COX15: variants seen among roughly 807,000 people sequenced by gnomAD.
COX15 encodes the protein heme A synthase COX15.
In COX15, 51 loss-of-function variants were observed where a neutral mutation model predicts 51.9. The observed-to-expected ratio is 0.98, with a 90% CI of 0.78 to 1.24. COX15 has a LOEUF of 1.24. COX15 is among the 50% of genes most tolerant of loss of function. The pLI, the probability that COX15 is intolerant of heterozygous loss-of-function variation, is 0.00. For synonymous variants in COX15, 188 were observed against 190.5 expected, an observed-to-expected ratio of 0.99 and a Z score of 0.11; for missense variants, 420 against 501.1, an observed-to-expected ratio of 0.84 and a Z score of 1.55.
In COX15 at chr10:99,710,996, A is replaced by G; in HGVS notation, c.*3591T>C. ...GGTATGTGATGACTTGTTTTTTTGG[A>G]AAAAGGTATTTGGAACATCAATCTG... is the stretch of plus-strand genomic sequence containing the variant. On this transcript the variant is annotated 3_prime_UTR_variant, in exon 9 of 9. Transcript: ENST00000016171. 1 of 985,050 alleles carries G rather than the reference A, an allele frequency of 1.0e-6. No individual in the cohort carries two copies. Among genetic ancestry groups the G allele is most frequent in the Middle Eastern group, 5.2e-4 (1 of 1,914 alleles). The allele number at this position is 985,050 out of a possible 1,614,324, so 61.0% of individuals were successfully genotyped here.
At chr10:99,702,554 T>A in the COX15 span, 2 of 1,610,100 alleles carry the variant, frequency 1.2e-6, no homozygotes, top group African/African-American at 2.7e-5. Flanking sequence ...AAGTCTTACA[T>A]GAAGGATTCC....
intron 4 of COX15, among the ~76,000 whole-genome samples, chr10:99,725,876 T>A (rs1299555133): frequency 6.6e-6 from 1 of 152,196 alleles, no homozygotes; most frequent in Admixed American, 6.5e-5. Context: ...ACTCATTTTC[T>A]TACCACTTCT....
chr10:99,713,354 T>C lies in COX15; in HGVS notation c.*1233A>G. ...CATCTCGATGGGGTCATTCTGGGAC[T>C]GTTTTCAGTTGCCACTGTCATCTAT... On this transcript the variant is annotated 3_prime_UTR_variant, in exon 9 of 9. Coordinates refer to ENST00000016171, the MANE Select transcript of COX15 (RefSeq NM_078470.6). The C allele has an allele frequency of 6.2e-7, 1 of 1,612,950 alleles. No individual in the cohort carries two copies. Among genetic ancestry groups the C allele is most frequent in the Non-Finnish European group, 8.5e-7 (1 of 1,179,590 alleles).
At position 99,711,403 on chromosome 10, in the gene COX15, A is replaced by G; in HGVS notation, c.*3184T>C. On this transcript the variant is annotated 3_prime_UTR_variant, in exon 9 of 9. Transcript: ENST00000016171. ...GGTGTGGGAACCTGCCTCAGGAACT[A>G]CAGTTCCCTTTCTTTGAAGGATTCT... is the stretch of plus-strand genomic sequence containing the variant. 1.0e-6 allele frequency: 1 copy of G among 985,404 alleles called. No homozygotes were observed. Among genetic ancestry groups the G allele is most frequent in the South Asian group, 4.7e-5 (1 of 21,284 alleles). 61.0% of individuals were successfully genotyped at this position (985,404 alleles called of 1,614,324 possible). A position where few individuals can be genotyped will look rare whatever the true frequency, so the allele number is the denominator to read the frequency against.
chr10:99,698,667 T>G, the COX15 span: 4 of 1,614,132 alleles, frequency 2.5e-6, no homozygotes, highest in Middle Eastern at 1.6e-4. Context: ...CTGGGTGTCT[T>G]GTGGGGCAAT....
chr10:99,716,258 G>T, intron 8 of COX15, 90 bp downstream of exon 8: 1 of 913,042 alleles, frequency 1.1e-6, no homozygotes, highest in Non-Finnish European at 1.8e-6. Context: ...CTCCCAAAGT[G>T]CTGGGATTAC....
At chr10:99,731,165 GT>G (rs2037129087) in intron 1 of COX15, among the ~76,000 whole-genome samples, 1 of 152,172 alleles carries the variant, frequency 6.6e-6, no homozygotes, top group African/African-American at 2.4e-5. Context: ...TCTGTGGCCT[GT>G]TGTTGACCAA....
At chr10:99,702,616 G>A in the COX15 span, 59 of 1,613,552 alleles carry the variant, frequency 3.7e-5, 2 homozygotes, top group South Asian at 4.3e-4. Flanking sequence ...GTGTATGACC[G>A]AGAGGTTCAG....
chr10:99,695,985 G>T, the COX15 span: 1 of 1,613,736 alleles, frequency 6.2e-7, no homozygotes, highest in Non-Finnish European at 8.5e-7. Flanking sequence ...TGCTGGCTGA[G>T]TTCAACCTGG....
downstream of COX15, chr10:99,709,723 T>C (rs556138733): frequency 1.3e-5 from 13 of 985,446 alleles, no homozygotes; most frequent in African/African-American, 1.9e-4. Flanking sequence ...AAGCTTCATT[T>C]TAAGCCTGCT....
chr10:99,704,739 C>A, the COX15 span: 1 of 1,483,436 alleles, frequency 6.7e-7, no homozygotes, highest in Non-Finnish European at 9.2e-7. Context: ...TCATTGAATT[C>A]CTCCACTTTC....
At position 99,714,325 on chromosome 10, in the gene COX15, C is replaced by T; in HGVS notation, c.*262G>A. ...ACCTGACACAAAGCCTGTTAAGCAG[C>T]AAATGGCAGACATTTCTTTCTCTAC... is the stretch of plus-strand genomic sequence containing the variant. On this transcript the variant is annotated 3_prime_UTR_variant, in exon 9 of 9. Coordinates refer to ENST00000016171, the MANE Select transcript of COX15 (RefSeq NM_078470.6). The T allele has an allele frequency of 8.0e-7, 1 of 1,256,822 alleles. No individual in the cohort carries two copies. The highest frequency in any genetic ancestry group is 1.0e-6 in the Non-Finnish European group (1 of 988,348). The allele number at this position is 1,256,822 out of a possible 1,614,324, so 77.9% of individuals were successfully genotyped here.
Position 99,713,493 on chromosome 10 carries a change from A to G in COX15, c.*1094T>C, listed in dbSNP as rs777588996. ...TAAGACAGGGCCCTATGAAATATCA[A>G]TAGAGACCAAAATCACATTAATTCA... On this transcript the variant is annotated 3_prime_UTR_variant, in exon 9 of 9. Transcript: ENST00000016171. 19 of 1,609,168 alleles carry G rather than the reference A, an allele frequency of 1.2e-5. No individual in the cohort carries two copies. The highest frequency in any genetic ancestry group is 1.6e-5 in the Non-Finnish European group (19 of 1,177,466).
At chr10:99,710,655 T>A (rs1009687800), downstream of COX15, 6 of 985,266 alleles carry the variant, frequency 6.1e-6, no homozygotes, top group Admixed American at 3.7e-4. Flanking sequence ...TGCAGGGACA[T>A]GGGTATATGT....
rs2036493588 is a variant in COX15 at position 99,714,225 on chromosome 10, G to T, written c.*362C>A. ...AAGATCATAAAGAAATTCTATTTAG[G>T]CAGAATTAAGGACTCAGGAGAACAT... On this transcript the variant is annotated 3_prime_UTR_variant, in exon 9 of 9. Coordinates refer to ENST00000016171, the MANE Select transcript of COX15 (RefSeq NM_078470.6). 9.1e-7 allele frequency: 1 copy of T among 1,094,450 alleles called. No homozygotes were observed. The allele number at this position is 1,094,450 out of a possible 1,614,324, so 67.8% of individuals were successfully genotyped here.
At chr10:99,721,465 T>C (rs1411520731) in intron 5 of COX15, among the ~76,000 whole-genome samples, 2 of 152,256 alleles carry the variant, frequency 1.3e-5, no homozygotes, top group Non-Finnish European at 2.9e-5. Flanking sequence ...ATGTGTGTGA[T>C]ATTAGTGTTT....
At chr10:99,718,753 T>C (rs200071543) in intron 6 of COX15, among the ~76,000 whole-genome samples, 1 of 152,126 alleles carries the variant, frequency 6.6e-6, no homozygotes, top group African/African-American at 2.4e-5. Flanking sequence ...GTAGAGGCTG[T>C]GGTGTGGGGG....
chr10:99,726,913 C>CAACTAGGAA, intron 4 of COX15, 55 bp downstream of exon 4: 1 of 1,402,770 alleles, frequency 7.1e-7, no homozygotes, highest in Non-Finnish European at 1.0e-6. Context: ...AAAACAATGC[C>CAACTAGGAA]AACTAGGAAG....
chr10:99,723,914 A>C, intron 5 of COX15, 42 bp downstream of exon 5: 1 of 1,607,468 alleles, frequency 6.2e-7, no homozygotes, highest in Non-Finnish European at 8.5e-7. Context: ...AAAAGAACCA[A>C]AAGCGGGGTC....
Sources: allele counts gnomAD v4.1 joint callset (sites outside exome capture counted in the v4.1 genomes callset), GRCh38; gene constraint gnomAD v4.1.1; transcripts MANE v1.5; gene names NCBI Gene and HGNC (gene_info 2026-07-23, HGNC 2026-07-21).